Variants in DNAH14 observed in about 807,000 individuals in gnomAD.
DNAH14 encodes axonemal beta dynein heavy chain 14.
In DNAH14, 478 loss-of-function variants were observed where a neutral mutation model predicts 520.9. The ratio of observed to expected loss-of-function variants is 0.92; its 90% CI spans 0.85 to 0.99. The LOEUF is 0.99. Among genes scored for constraint, DNAH14 ranks in the 50% least tolerant of loss-of-function variants. The pLI, the probability that DNAH14 is intolerant of heterozygous loss-of-function variation, is 0.00. For missense variants in DNAH14, 4,831 were observed against 5,234.5 expected (o/e 0.92, Z 2.38); for synonymous variants, 1,581 against 1,757.2 (o/e 0.90, Z 2.51).
chr1:225,179,386 A>G (rs1054242291), intron 36 of DNAH14, among the ~76,000 whole-genome samples: 1 of 152,092 alleles, frequency 6.6e-6, no homozygotes, highest in African/African-American at 2.4e-5. Flanking sequence ...TAGTGTATCT[A>G]TAATAGGTTT....
chr1:225,042,264 G>A (rs2067546227), intron 12 of DNAH14, among the ~76,000 whole-genome samples: 1 of 152,158 alleles, frequency 6.6e-6, no homozygotes, highest in African/African-American at 2.4e-5. Context: ...GATGTAGGAA[G>A]GAACAGTAGA....
At chr1:225,191,632 T>C (rs2085453689) in intron 37 of DNAH14, among the ~76,000 whole-genome samples, 1 of 151,786 alleles carries the variant, frequency 6.6e-6, no homozygotes, top group African/African-American at 2.4e-5. Flanking sequence ...TCTACCAACA[T>C]TTTTTTCTAC....
intron 1 of DNAH14, among the ~76,000 whole-genome samples, chr1:224,948,986 T>G (rs1016108699): frequency 1.3e-5 from 2 of 152,250 alleles, no homozygotes; most frequent in Non-Finnish European, 2.9e-5. Flanking sequence ...CATAATTTTT[T>G]CTTTCATCTG....
intron 43 of DNAH14, among the ~76,000 whole-genome samples, chr1:225,241,821 T>C (rs1435100898): frequency 5.3e-5 from 8 of 152,230 alleles, no homozygotes; most frequent in Admixed American, 4.6e-4. Context: ...GACTGGAAGT[T>C]GTTCTGAGTT....
intron 27 of DNAH14, among the ~76,000 whole-genome samples, chr1:225,130,764 T>C (rs1407803179): frequency 6.6e-6 from 1 of 151,068 alleles, no homozygotes; most frequent in African/African-American, 2.4e-5. Context: ...GGCACATGTA[T>C]ACATATGTAA....
intron 27 of DNAH14, among the ~76,000 whole-genome samples, chr1:225,128,085 G>T (rs2148927437): frequency 6.6e-6 from 1 of 152,294 alleles, no homozygotes. Context: ...TCTGCTGTTA[G>T]TCTAATGGGC....
intron 56 of DNAH14, among the ~76,000 whole-genome samples, chr1:225,302,449 T>C (rs116779879): frequency 0.014 from 2,124 of 152,298 alleles, 24 homozygotes; most frequent in Non-Finnish European, 0.021. Context: ...TTGATGCTTA[T>C]TATCATTTTG....
intron 23 of DNAH14, among the ~76,000 whole-genome samples, chr1:225,103,514 A>G (rs982160481): frequency 4.6e-5 from 7 of 152,006 alleles, no homozygotes; most frequent in African/African-American, 1.7e-4. Context: ...GATTCTTTCT[A>G]CCCATGAGCA....
intron 11 of DNAH14, among the ~76,000 whole-genome samples, chr1:225,029,745 G>C (rs2066395278): frequency 6.6e-6 from 1 of 151,926 alleles, no homozygotes; most frequent in African/African-American, 2.4e-5. Flanking sequence ...CCTAAAAAGT[G>C]TATCATATAC....
At chr1:225,387,165 C>T (rs2095850696) in intron 81 of DNAH14, among the ~76,000 whole-genome samples, 1 of 151,902 alleles carries the variant, frequency 6.6e-6, no homozygotes, top group Non-Finnish European at 1.5e-5. Context: ...CATATTCTCA[C>T]TCATAGGTGG....
intron 11 of DNAH14, among the ~76,000 whole-genome samples, chr1:225,029,295 G>T (rs2066363161): frequency 6.6e-6 from 1 of 151,888 alleles, no homozygotes; most frequent in Non-Finnish European, 1.5e-5. Flanking sequence ...CTATAAAGGG[G>T]CCTGATACAA....
At chr1:224,968,409 G>A (rs1368250900) in intron 6 of DNAH14, among the ~76,000 whole-genome samples, 1 of 152,034 alleles carries the variant, frequency 6.6e-6, no homozygotes, top group African/African-American at 2.4e-5. Context: ...CATTTCTGTA[G>A]CTAAAATTAA....
intron 55 of DNAH14, among the ~76,000 whole-genome samples, chr1:225,293,932 C>A (rs144987834): frequency 8.3e-4 from 127 of 152,162 alleles, no homozygotes; most frequent in African/African-American, 2.7e-3. Flanking sequence ...CCCTTAATTT[C>A]TTTCCTTTAT....
At chr1:225,121,950 G>A (rs1348280821) in intron 26 of DNAH14, among the ~76,000 whole-genome samples, 2 of 151,834 alleles carry the variant, frequency 1.3e-5, no homozygotes, top group South Asian at 4.2e-4. Flanking sequence ...CAGATCGTTG[G>A]CAGTACTTTA....
At chr1:225,159,235 A>T in intron 34 of DNAH14, 79 bp from the exon 35 acceptor site, 1 of 1,205,556 alleles carries the variant, frequency 8.3e-7, no homozygotes, top group Non-Finnish European at 1.2e-6. Flanking sequence ...CCCCTAAAAC[A>T]GAATGTTAAT....
chr1:225,008,381 A>G (rs577311624), intron 10 of DNAH14, among the ~76,000 whole-genome samples: 69 of 152,242 alleles, frequency 4.5e-4, no homozygotes, highest in South Asian at 1.0e-3. Context: ...GCTGCAATAA[A>G]CATACGTGTG....
chr1:225,013,803 C>T (rs2064997297), intron 10 of DNAH14, among the ~76,000 whole-genome samples: 1 of 152,136 alleles, frequency 6.6e-6, no homozygotes, highest in Non-Finnish European at 1.5e-5. Flanking sequence ...ATGCCCCTTT[C>T]CCCACCAAGC....
intron 8 of DNAH14, among the ~76,000 whole-genome samples, chr1:225,000,850 C>T (rs1461369867): frequency 2.0e-5 from 3 of 151,834 alleles, no homozygotes; most frequent in African/African-American, 7.3e-5. Flanking sequence ...CCATTTGGTT[C>T]TTCTTTATGT....
At chr1:225,131,872 G>T (rs1182592508) in intron 27 of DNAH14, among the ~76,000 whole-genome samples, 1 of 152,082 alleles carries the variant, frequency 6.6e-6, no homozygotes, top group Admixed American at 6.6e-5. Flanking sequence ...TAGAATAAGA[G>T]AAGAGGGACA....
Sources: gnomAD v4.1 joint callset for allele counts (sites outside exome capture counted in the v4.1 genomes callset) on GRCh38, gnomAD v4.1.1 for gene constraint, MANE v1.5 for transcripts, NCBI Gene and HGNC (gene_info 2026-07-23, HGNC 2026-07-21) for gene names.